The following EIF2AK4 variants were observed in gnomAD, a reference collection of about 807,000 sequenced individuals.
EIF2AK4 encodes eIF-2-alpha kinase GCN2.
In EIF2AK4, 139 loss-of-function variants were observed where a neutral mutation model predicts 211.1. The observed-to-expected ratio is 0.66, with a 90% CI of 0.57 to 0.76. The LOEUF is 0.76. EIF2AK4 is among the 30% of genes least tolerant of loss of function. The probability of loss-of-function intolerance (pLI) is 0.00; values close to 1 mark genes in which losing one functional copy is unlikely to be tolerated. For synonymous variants in EIF2AK4, 710 were observed against 751.3 expected, an observed-to-expected ratio of 0.94 and a Z score of 0.90; for missense variants, 1,664 against 2,043.8, an observed-to-expected ratio of 0.81 and a Z score of 3.58.
In EIF2AK4 at chr15:40,030,441, G is replaced by A. The variant is rs1169464572; in HGVS notation, c.4644G>A (p.Arg1548=). 2 of 1,613,964 alleles carry A rather than the reference G, an allele frequency of 1.2e-6. No individual in the cohort carries two copies. Among genetic ancestry groups the A allele is most frequent in the South Asian group, 1.1e-5 (1 of 91,022 alleles). The part of the protein sequence containing the change: ...APEKLSASTR[R]RYETQVQTRL... The stretch of plus-strand genomic sequence containing the variant: ...AGAAGCTGTCAGCCAGCACTAGGAG[G>A]CGCTATGAAACTCAGGTACACTGGG... Residue 1548 remains arginine (R), a synonymous_variant, in exon 35 of 39, where the codon AGG becomes AGA. Transcript: ENST00000263791.
chr15:39,956,251 G>A (rs944017681), intron 6 of EIF2AK4, among the ~76,000 whole-genome samples: 2 of 151,972 alleles, frequency 1.3e-5, no homozygotes, highest in Non-Finnish European at 2.9e-5. Flanking sequence ...TGATCCACCC[G>A]CCTCGGCCTC....
chr15:39,939,622 G>A lies in EIF2AK4; in HGVS notation c.257+5G>A. 2 of 1,593,130 alleles carry A rather than the reference G, an allele frequency of 1.3e-6. No homozygotes were observed. Among genetic ancestry groups the A allele is most frequent in the Non-Finnish European group, 8.6e-7 (1 of 1,168,010 alleles). On this transcript the variant is annotated splice_donor_5th_base_variant and intron_variant, in intron 2 of 38. Transcript: ENST00000263791. ...CCCACCTACCTATCCAGATGTGTGA[G>A]TACATTTATAAATAGCTTTGACGTG...
intron 11 of EIF2AK4, 123 bp downstream of exon 11, chr15:39,973,872 C>G (rs2034658215): frequency 1.9e-6 from 2 of 1,075,814 alleles, no homozygotes; most frequent in Admixed American, 2.3e-5. Flanking sequence ...CTGTTGGATA[C>G]TATGCTCATC....
intron 18 of EIF2AK4, among the ~76,000 whole-genome samples, chr15:39,994,900 G>A (rs902866630): frequency 3.9e-5 from 6 of 152,160 alleles, no homozygotes; most frequent in South Asian, 4.2e-4. Flanking sequence ...GGAGCACAGC[G>A]GTGGGCCATC....
At chr15:40,007,237 TA>T (rs1555421276) in intron 24 of EIF2AK4, among the ~76,000 whole-genome samples, 172 bp downstream of exon 24, 1 of 152,204 alleles carries the variant, frequency 6.6e-6, no homozygotes, top group Non-Finnish European at 1.5e-5. Context: ...CCCCTTCCTG[TA>T]AGGTAACTAG....
Position 39,976,604 on chromosome 15 carries a change from C to T in EIF2AK4, c.2009C>T (p.Pro670Leu), listed in dbSNP as rs368876175. Reference sequence around the variant, plus strand: ...CCGGCGGGACCGGGGACGCCGCCCCCGGACTCCGGGCCCCTGGCCAAGGAT... The same window carrying T: ...CCGGCGGGACCGGGGACGCCGCCCCTGGACTCCGGGCCCCTGGCCAAGGAT... ...ERPAGPGTPP[P>L]DSGPLAKDDR... The change falls in exon 12 of 39, where the codon CCG becomes CTG. Residue 670 changes from proline to leucine, a missense_variant. By Grantham distance (98) the Pro-to-Leu change is moderately conservative. Around this residue, in one of 7 missense-constraint regions of EIF2AK4, gnomAD observed 206 missense variants for 201.9 expected, o/e 1.02. Transcript: ENST00000263791. 8 of 1,608,248 alleles carry T rather than the reference C, an allele frequency of 5.0e-6. No individual in the cohort carries two copies. The African/African-American group carries it at 8.0e-5, about 16-fold the overall frequency.
intron 7 of EIF2AK4, among the ~76,000 whole-genome samples, chr15:39,963,398 A>G (rs995173928): frequency 2.0e-5 from 3 of 152,252 alleles, no homozygotes; most frequent in Non-Finnish European, 4.4e-5. Context: ...CAGATTCACC[A>G]TAGTTAATAC....
chr15:39,998,258 T>G (rs78447080), intron 19 of EIF2AK4, among the ~76,000 whole-genome samples: 8 of 110,928 alleles, frequency 7.2e-5, no homozygotes, highest in South Asian at 5.6e-4. Context: ...ATGGGTGTGG[T>G]TTTTTTTTTT....
At chr15:39,947,286 G>T (rs2034242496) in intron 3 of EIF2AK4, among the ~76,000 whole-genome samples, 1 of 152,126 alleles carries the variant, frequency 6.6e-6, no homozygotes, top group South Asian at 2.1e-4. Flanking sequence ...ATGGCATAGG[G>T]ATTCATCTTG....
chr15:39,984,673 G>A (rs1308179284), intron 13 of EIF2AK4, among the ~76,000 whole-genome samples: 1 of 152,172 alleles, frequency 6.6e-6, no homozygotes, highest in Non-Finnish European at 1.5e-5. Flanking sequence ...TGGTGTATAG[G>A]AATGTTTGTG....
intron 21 of EIF2AK4, among the ~76,000 whole-genome samples, chr15:40,001,689 G>T (rs543885818): frequency 2.0e-5 from 3 of 148,186 alleles, no homozygotes; most frequent in Non-Finnish European, 4.5e-5. Context: ...TAGCCCAAAC[G>T]CCCAGAGCCA....
At chr15:39,986,016 C>A in intron 14 of EIF2AK4, 128 bp downstream of exon 14, 2 of 775,050 alleles carry the variant, frequency 2.6e-6, no homozygotes, top group Non-Finnish European at 2.0e-6. Flanking sequence ...ATTAATTGGC[C>A]GAGAGGATTA....
chr15:40,006,670 T>TA (rs202176753), intron 23 of EIF2AK4, among the ~76,000 whole-genome samples: 1 of 152,012 alleles, frequency 6.6e-6, no homozygotes, highest in South Asian at 2.1e-4. Flanking sequence ...ACATTTTTTT[T>TA]AAATTCATAA....
intron 15 of EIF2AK4, among the ~76,000 whole-genome samples, chr15:39,989,890 C>T (rs747206188): frequency 6.6e-6 from 1 of 151,880 alleles, no homozygotes. Flanking sequence ...TGGAAAAAAG[C>T]GAGTATCCTA....
intron 3 of EIF2AK4, among the ~76,000 whole-genome samples, chr15:39,946,164 A>T (rs531556380): frequency 4.1e-4 from 63 of 152,326 alleles, no homozygotes; most frequent in African/African-American, 1.5e-3. Flanking sequence ...GCTGCCATAG[A>T]TAGTGATTCA....
chr15:40,008,720 C>T (rs1170202046), intron 25 of EIF2AK4, among the ~76,000 whole-genome samples: 1 of 152,180 alleles, frequency 6.6e-6, no homozygotes, highest in Non-Finnish European at 1.5e-5. Flanking sequence ...GGAAGCCTCA[C>T]TGCACCCTCA....
intron 37 of EIF2AK4, 83 bp from the exon 38 acceptor site, chr15:40,034,243 C>A (rs1167493710): frequency 9.8e-7 from 1 of 1,021,626 alleles, no homozygotes; most frequent in African/African-American, 1.6e-5. Flanking sequence ...GGAAATGACA[C>A]TGGAATTTCA....
rs12912442 is a variant in EIF2AK4 at position 39,988,338 on chromosome 15, G to A, written c.2526+233G>A. On this transcript the variant is annotated intron_variant, in intron 15 of 38. Transcript: ENST00000263791. Reference sequence around the variant, plus strand: ...AAGAAAACTTTAAAGGTTAGGACAGGGATCAGCAAACTGTGGCCCACAGGT... The same window carrying A: ...AAGAAAACTTTAAAGGTTAGGACAGAGATCAGCAAACTGTGGCCCACAGGT... Among the ~76,000 whole-genome samples, 14,902 of 152,194 alleles carry A rather than the reference G, an allele frequency of 0.098. 857 individuals carry two copies. Among genetic ancestry groups the A allele is most frequent in the Middle Eastern group, 0.24 (71 of 294 alleles).
At chr15:40,010,249 A>T (rs2035217397) in intron 26 of EIF2AK4, among the ~76,000 whole-genome samples, 1 of 152,222 alleles carries the variant, frequency 6.6e-6, no homozygotes, top group Non-Finnish European at 1.5e-5. Flanking sequence ...TGTTGAGAAT[A>T]AACAGTGTGC....
Sources: allele counts gnomAD v4.1 joint callset (sites outside exome capture counted in the v4.1 genomes callset), GRCh38; gene constraint gnomAD v4.1.1; regional missense constraint gnomAD v4.1.1; transcripts MANE v1.5; gene names NCBI Gene and HGNC (gene_info 2026-07-23, HGNC 2026-07-21).